The following ELAPOR2 variants were observed in gnomAD, a reference collection of about 807,000 sequenced individuals.
The protein encoded by ELAPOR2 is endosome/lysosome-associated apoptosis and autophagy regulator family member 2.
A neutral mutation model predicts 120.7 loss-of-function variants in ELAPOR2; 89 were observed. That is an observed-to-expected ratio of 0.74 (90% CI 0.62 to 0.88). The LOEUF is 0.88. ELAPOR2 is among the 40% of genes least tolerant of loss of function. The probability of loss-of-function intolerance (pLI) is 0.00; values close to 1 mark genes in which losing one functional copy is unlikely to be tolerated. For synonymous variants in ELAPOR2, 444 were observed against 444.9 expected, an observed-to-expected ratio of 1.00 and a Z score of 0.03; for missense variants, 1,134 against 1,251.6, an observed-to-expected ratio of 0.91 and a Z score of 1.42.
At chr7:86,907,798 A>G (rs1789096411) in intron 17 of ELAPOR2, 27 bp from the exon 18 acceptor site, 1 of 1,348,150 alleles carries the variant, frequency 7.4e-7, no homozygotes, top group African/African-American at 1.5e-5. Flanking sequence ...AACATTTTTA[A>G]AAAACAGATA....
At chr7:86,883,816 G>A (rs910710363) in intron 21 of ELAPOR2, among the ~76,000 whole-genome samples, 2 of 152,086 alleles carry the variant, frequency 1.3e-5, no homozygotes, top group African/African-American at 2.4e-5. Flanking sequence ...ATAGGAATTG[G>A]GGGTTATAGA....
intron 1 of ELAPOR2, among the ~76,000 whole-genome samples, chr7:87,016,572 A>G (rs1473232158): frequency 6.6e-6 from 1 of 151,574 alleles, no homozygotes; most frequent in African/African-American, 2.4e-5. Flanking sequence ...TTTACAGGTA[A>G]TGTTGCAATT....
intron 2 of ELAPOR2, among the ~76,000 whole-genome samples, chr7:86,950,129 G>C (rs1791183203): frequency 1.3e-5 from 2 of 152,320 alleles, no homozygotes; most frequent in Admixed American, 1.3e-4. Context: ...TCCCCTCTCT[G>C]CTGAGAGCTG....
chr7:87,001,855 T>C (rs1583976631), intron 1 of ELAPOR2, among the ~76,000 whole-genome samples: 2 of 152,134 alleles, frequency 1.3e-5, no homozygotes, highest in Non-Finnish European at 1.5e-5. Flanking sequence ...AATTTATCTT[T>C]ATGTTCTGAA....
intron 1 of ELAPOR2, among the ~76,000 whole-genome samples, chr7:86,996,451 T>C (rs1324818770): frequency 1.3e-5 from 2 of 152,130 alleles, no homozygotes; most frequent in African/African-American, 4.8e-5. Flanking sequence ...AGGAACAAAA[T>C]GGCAGCTAAT....
At chr7:86,993,246 A>AAAAAAAAAAAAAAAAAAG (rs796528835) in intron 1 of ELAPOR2, among the ~76,000 whole-genome samples, 5 of 144,030 alleles carry the variant, frequency 3.5e-5, no homozygotes, top group Admixed American at 7.0e-5. Flanking sequence ...AAAAAAAAAA[A>AAAAAAAAAAAAAAAAAAG]AAAAGAAAAA....
Position 86,897,496 on chromosome 7 carries a change from T to C in ELAPOR2, c.2685+10A>G. ...ATGCCGAAGCTCTGCCTTGAGAGTT[T>C]ATCCCTTACCTGAAATCCTCTCTTG... On this transcript the variant is annotated intron_variant, in intron 19 of 21. Transcript: ENST00000450689. 1.2e-6 allele frequency: 2 copies of C among 1,611,642 alleles called. No individual in the cohort carries two copies. Among genetic ancestry groups the C allele is most frequent in the African/African-American group, 1.3e-5 (1 of 74,900 alleles).
At chr7:86,918,362 A>T (rs1789665306) in intron 12 of ELAPOR2, 80 bp downstream of exon 12, 1 of 651,146 alleles carries the variant, frequency 1.5e-6, no homozygotes. Context: ...TTCTTATCCC[A>T]ACTTGCCACA....
rs1354256828 is a variant in ELAPOR2 at position 86,946,163 on chromosome 7, A to T, written c.507-1117T>A. The stretch of plus-strand genomic sequence containing the variant: ...AAAACAAAGGGATACCATTTCTCAC[A>T]CACACACACACACACACACACACAC... On this transcript the variant is annotated intron_variant, in intron 3 of 21. Transcript: ENST00000450689. 2.0e-5 allele frequency among the ~76,000 whole-genome samples: 3 copies of T among 150,818 alleles called. No homozygotes were observed. The South Asian group carries it at 6.3e-4, about 31-fold the overall frequency.
intron 1 of ELAPOR2, among the ~76,000 whole-genome samples, chr7:87,002,107 G>A (rs1793336500): frequency 6.6e-6 from 1 of 152,084 alleles, no homozygotes. Flanking sequence ...CAGCCAGCTG[G>A]GCAGCAAACT....
chr7:86,962,307 G>C (rs1447065737), intron 2 of ELAPOR2, among the ~76,000 whole-genome samples: 1 of 152,114 alleles, frequency 6.6e-6, no homozygotes, highest in African/African-American at 2.4e-5. Flanking sequence ...ACATTTTAAA[G>C]AATTTTTAGC....
rs1792937073 is a variant in ELAPOR2 at position 86,991,291 on chromosome 7, C to G, written c.190-26267G>C. ...TTTATTTTACAGTTGAAGGAACAAG[C>G]ATATCCATGTTATTTAATAACTGTG... is the stretch of plus-strand genomic sequence containing the variant. On this transcript the variant is annotated intron_variant, in intron 1 of 21. Transcript: ENST00000450689. Among the ~76,000 whole-genome samples, 3 of 152,168 alleles carry G rather than the reference C, an allele frequency of 2.0e-5. 1 individual carries two copies. The South Asian group carries it at 6.2e-4, about 32-fold the overall frequency.
At chr7:86,899,737 G>A (rs1416836903) in intron 18 of ELAPOR2, among the ~76,000 whole-genome samples, 1 of 152,104 alleles carries the variant, frequency 6.6e-6, no homozygotes, top group African/African-American at 2.4e-5. Flanking sequence ...TAAAAGCAAT[G>A]TTGTTTATAG....
At chr7:86,959,294 G>C (rs1157106960) in intron 2 of ELAPOR2, among the ~76,000 whole-genome samples, 1 of 152,074 alleles carries the variant, frequency 6.6e-6, no homozygotes, top group Admixed American at 6.6e-5. Context: ...CTCCTTTTCT[G>C]ATTCGTATGC....
At chr7:86,880,613 C>A in intron 21 of ELAPOR2, 83 bp from the exon 22 acceptor site, 1 of 878,118 alleles carries the variant, frequency 1.1e-6, no homozygotes, top group Non-Finnish European at 1.8e-6. Context: ...AAGGAAAGTT[C>A]CAGAAATCAT....
At chr7:86,997,342 T>C (rs1013117589) in intron 1 of ELAPOR2, among the ~76,000 whole-genome samples, 1 of 152,164 alleles carries the variant, frequency 6.6e-6, no homozygotes, top group Non-Finnish European at 1.5e-5. Context: ...GAGATTCTCA[T>C]ATAAGTGCTA....
At chr7:87,000,519 T>C (rs1435817570) in intron 1 of ELAPOR2, among the ~76,000 whole-genome samples, 2 of 152,152 alleles carry the variant, frequency 1.3e-5, no homozygotes, top group Non-Finnish European at 2.9e-5. Context: ...ACCAATTTGC[T>C]GGGGATTCTG....
chr7:87,010,908 T>C (rs1793633978), intron 1 of ELAPOR2, among the ~76,000 whole-genome samples: 1 of 152,024 alleles, frequency 6.6e-6, no homozygotes, highest in Non-Finnish European at 1.5e-5. Context: ...AATGTTACTT[T>C]TAAAATAAAG....
At position 86,912,172 on chromosome 7, in the gene ELAPOR2, C is replaced by T; in HGVS notation, c.2069G>A (p.Ser690Asn). 1 of 1,612,342 alleles carries T rather than the reference C, an allele frequency of 6.2e-7. No homozygotes were observed. Residue 690 changes from serine to asparagine, a missense_variant, in exon 15 of 22, where the codon AGC (serine) becomes AAC (asparagine). Transcript: ENST00000450689. ...KENQSLHYDF[S>N]NLSSVGSLMN... ...TAATGAGCCCACACTGCTGAGGTTG[C>T]TAAAGTCATAGTGCAAACTCTGATT... is the stretch of plus-strand genomic sequence containing the variant.
Sources: gnomAD v4.1 joint callset for allele counts (sites outside exome capture counted in the v4.1 genomes callset) on GRCh38, gnomAD v4.1.1 for gene constraint, MANE v1.5 for transcripts, NCBI Gene and HGNC (gene_info 2026-07-23, HGNC 2026-07-21) for gene names.